HHIPL1: variants seen among roughly 807,000 people sequenced by gnomAD.
The protein encoded by HHIPL1 is HHIP like 1.
Under a neutral mutation model 61.8 loss-of-function variants are expected in HHIPL1, and 43 were observed. The ratio of observed to expected loss-of-function variants is 0.70; its 90% CI spans 0.55 to 0.90. HHIPL1 has a LOEUF of 0.90. Among genes scored for constraint, HHIPL1 ranks in the 40% least tolerant of loss-of-function variants. The probability of loss-of-function intolerance (pLI) is 0.00; values close to 1 mark genes in which losing one functional copy is unlikely to be tolerated. For synonymous variants in HHIPL1, 482 were observed against 515.8 expected, an observed-to-expected ratio of 0.93 and a Z score of 0.89; for missense variants, 1,056 against 1,157.7, an observed-to-expected ratio of 0.91 and a Z score of 1.28.
chr14:99,656,798 AG>A (rs1595155405), intron 2 of HHIPL1, among the ~76,000 whole-genome samples: 2 of 2,088 alleles, frequency 9.6e-4, no homozygotes, highest in East Asian at 0.083. Flanking sequence ...AAAGAAAGAA[AG>A]AAAGAAAGAA....
upstream of HHIPL1, among the ~76,000 whole-genome samples, chr14:99,640,817 C>T (rs917899287): frequency 1.3e-5 from 2 of 148,950 alleles, no homozygotes; most frequent in African/African-American, 4.9e-5. Flanking sequence ...CCATCCAGTA[C>T]GTTGAATTTC....
upstream of HHIPL1, among the ~76,000 whole-genome samples, chr14:99,640,698 A>G (rs2055738998): frequency 1.3e-5 from 2 of 152,298 alleles, no homozygotes; most frequent in South Asian, 2.1e-4. Flanking sequence ...TTCAAATAAC[A>G]CTATACCACT....
intron 2 of HHIPL1, 128 bp from the exon 3 acceptor site, chr14:99,656,872 G>A (rs57262648): frequency 3.0e-4 from 1 of 3,340 alleles, no homozygotes; most frequent in Admixed American, 2.7e-3. Flanking sequence ...AGGAAGGAAG[G>A]AAGGAAGGAA....
At position 99,647,687 on chromosome 14, in the gene HHIPL1, T is replaced by C. The variant is rs543379884; in HGVS notation, c.255+2225T>C. Among the ~76,000 whole-genome samples the C allele has an allele frequency of 1.4e-3, 218 of 152,340 alleles. 1 individual carries two copies. Among genetic ancestry groups the C allele is most frequent in the Non-Finnish European group, 2.5e-3 (167 of 68,024 alleles). On this transcript the variant is annotated intron_variant, in intron 1 of 8. Transcript: ENST00000330710. ...CTGGAGCATGCTGGCGGGAGGACCA[T>C]GCTCTCTGCTAGCCAAGGCAGAGTC... is the stretch of plus-strand genomic sequence containing the variant.
chr14:99,634,561 G>A, the HHIPL1 span, among the ~76,000 whole-genome samples: 1 of 152,214 alleles, frequency 6.6e-6, no homozygotes, highest in African/African-American at 2.4e-5. Context: ...CAGCTCCTGG[G>A]AAGAGCACTG....
chr14:99,670,303 G>A (rs1272089578), intron 7 of HHIPL1, among the ~76,000 whole-genome samples: 2 of 152,122 alleles, frequency 1.3e-5, no homozygotes, highest in African/African-American at 4.8e-5. Flanking sequence ...GTAGAGATGG[G>A]GTTTTGCCAT....
chr14:99,624,126 G>T, the HHIPL1 span, among the ~76,000 whole-genome samples: 1 of 152,216 alleles, frequency 6.6e-6, no homozygotes, highest in African/African-American at 2.4e-5. Flanking sequence ...AGGGCCCGAG[G>T]CTTGCCAAGA....
At chr14:99,637,038 AGAAAGAAAGAAGGAAG>A in the HHIPL1 span, among the ~76,000 whole-genome samples, 2,606 of 130,282 alleles carry the variant, frequency 0.02, 108 homozygotes, top group East Asian at 0.11. Flanking sequence ...AAAGAAAGAA[AGAAAGAAAGAAGGAAG>A]GAAGGAAAAA....
At chr14:99,627,738 T>G in the HHIPL1 span, among the ~76,000 whole-genome samples, 2 of 152,134 alleles carry the variant, frequency 1.3e-5, no homozygotes, top group Non-Finnish European at 2.9e-5. This position sits in a 1 kb window ranked among gnomAD's most constrained non-coding sequence, Gnocchi z 4.4. Flanking sequence ...GGAACAGGCC[T>G]TAAGAGCTGG....
chr14:99,663,222 C>T (rs533388428), intron 6 of HHIPL1, among the ~76,000 whole-genome samples: 1 of 152,248 alleles, frequency 6.6e-6, no homozygotes, highest in African/African-American at 2.4e-5. Context: ...AGAGAGGGTT[C>T]TTGGATCTCA....
chr14:99,647,895 C>T (rs2055867314), intron 1 of HHIPL1, among the ~76,000 whole-genome samples: 1 of 152,202 alleles, frequency 6.6e-6, no homozygotes, highest in African/African-American at 2.4e-5. Flanking sequence ...ACAGCCATGG[C>T]ACGTGGCATC....
chr14:99,659,823 G>T, intron 4 of HHIPL1, 67 bp downstream of exon 4: 4 of 805,724 alleles, frequency 5.0e-6, no homozygotes, highest in Non-Finnish European at 4.6e-6. Context: ...CTGCTGTGCC[G>T]CAGGGCCTCC....
intron 6 of HHIPL1, among the ~76,000 whole-genome samples, chr14:99,667,193 G>T (rs2056259764): frequency 6.6e-6 from 1 of 152,176 alleles, no homozygotes; most frequent in Non-Finnish European, 1.5e-5. Flanking sequence ...CTTGTGTCTG[G>T]GCTCCCAGCC....
At chr14:99,643,043 T>A (rs558531281), upstream of HHIPL1, among the ~76,000 whole-genome samples, 1 of 151,142 alleles carries the variant, frequency 6.6e-6, no homozygotes, top group Admixed American at 6.6e-5. Context: ...CTGACTGACT[T>A]TTTTTTTTCT....
At chr14:99,663,345 G>A (rs2056185963) in intron 6 of HHIPL1, among the ~76,000 whole-genome samples, 1 of 152,150 alleles carries the variant, frequency 6.6e-6, no homozygotes, top group African/African-American at 2.4e-5. Context: ...CCACTTTTAT[G>A]ATTATTTCTT....
the HHIPL1 span, among the ~76,000 whole-genome samples, chr14:99,618,100 G>A: frequency 6.6e-6 from 1 of 152,200 alleles, no homozygotes; most frequent in Non-Finnish European, 1.5e-5. Flanking sequence ...TCCCTTGACT[G>A]TACCATCTGT....
chr14:99,636,766 T>C, the HHIPL1 span, among the ~76,000 whole-genome samples: 1 of 151,314 alleles, frequency 6.6e-6, no homozygotes, highest in Non-Finnish European at 1.5e-5. Flanking sequence ...GGGGGGAGAA[T>C]TGCTTGAGCC....
chr14:99,656,666 C>T (rs2056032362), intron 2 of HHIPL1, among the ~76,000 whole-genome samples: 1 of 151,666 alleles, frequency 6.6e-6, no homozygotes, highest in African/African-American at 2.4e-5. Flanking sequence ...ATCCCAGCTA[C>T]TCAGGAGGCT....
upstream of HHIPL1, among the ~76,000 whole-genome samples, chr14:99,640,763 T>G (rs1376081468): frequency 6.6e-6 from 1 of 152,148 alleles, no homozygotes; most frequent in Non-Finnish European, 1.5e-5. Flanking sequence ...CTCCCATCTC[T>G]TATGACATTG....
Sources: gnomAD v4.1 joint callset for allele counts (sites outside exome capture counted in the v4.1 genomes callset) on GRCh38, gnomAD v4.1.1 for gene constraint, Gnocchi (gnomAD v3.1) non-coding constraint, MANE v1.5 for transcripts, NCBI Gene and HGNC (gene_info 2026-07-23, HGNC 2026-07-21) for gene names.